The following GPR158 variants were observed in gnomAD, a reference collection of about 807,000 sequenced individuals.
The protein encoded by GPR158 is G protein-coupled receptor 158, also known as metabotropic glycine receptor.
Under a neutral mutation model 78.2 loss-of-function variants are expected in GPR158, and 30 were observed. The ratio of observed to expected loss-of-function variants is 0.38; its 90% CI spans 0.29 to 0.52. The LOEUF (loss-of-function observed/expected upper bound fraction) is 0.52. GPR158 is among the 20% of genes least tolerant of loss of function. GPR158 has a pLI of 0.83. For missense variants in GPR158, 1,463 were observed against 1,523.5 expected, an observed-to-expected ratio of 0.96 and a Z score of 0.66; for synonymous variants, 581 against 591.1, an observed-to-expected ratio of 0.98 and a Z score of 0.25.
intron 4 of GPR158, among the ~76,000 whole-genome samples, chr10:25,459,344 A>G (rs533248261): frequency 6.6e-6 from 1 of 152,312 alleles, no homozygotes; most frequent in East Asian, 1.9e-4. Flanking sequence ...ATTCAAACTT[A>G]TGCTAGTTCA....
At chr10:25,312,656 T>C (rs1363724234) in intron 2 of GPR158, among the ~76,000 whole-genome samples, 1 of 152,170 alleles carries the variant, frequency 6.6e-6, no homozygotes, top group Non-Finnish European at 1.5e-5. Context: ...AAAAACACTA[T>C]AATTTGGTAT....
At chr10:25,202,266 T>A (rs969137759) in intron 1 of GPR158, among the ~76,000 whole-genome samples, 1 of 152,140 alleles carries the variant, frequency 6.6e-6, no homozygotes, top group African/African-American at 2.4e-5. Flanking sequence ...CCATTTTTTT[T>A]TATACTTTAA....
intron 8 of GPR158, 65 bp from the exon 9 acceptor site, chr10:25,594,227 G>T (rs1235928168): frequency 1.2e-6 from 1 of 833,976 alleles, no homozygotes; most frequent in Non-Finnish European, 2.1e-6. Flanking sequence ...GAGTTCCCAA[G>T]TAATCCTAGT....
chr10:25,261,768 T>C (rs1186844589), intron 2 of GPR158, among the ~76,000 whole-genome samples: 3 of 152,154 alleles, frequency 2.0e-5, no homozygotes, highest in Non-Finnish European at 4.4e-5. Flanking sequence ...ATGACTGCCA[T>C]GGCCCTTTTC....
At chr10:25,354,722 T>G (rs1442658552) in intron 2 of GPR158, among the ~76,000 whole-genome samples, 1 of 152,106 alleles carries the variant, frequency 6.6e-6, no homozygotes, top group Non-Finnish European at 1.5e-5. Flanking sequence ...AGAGCTCCCT[T>G]TAGCATTTTC....
At chr10:25,323,947 C>T (rs1854992086) in intron 2 of GPR158, among the ~76,000 whole-genome samples, 1 of 152,184 alleles carries the variant, frequency 6.6e-6, no homozygotes, top group South Asian at 2.1e-4. Flanking sequence ...TGCTATCCTC[C>T]AACTTTTCTT....
intron 2 of GPR158, among the ~76,000 whole-genome samples, chr10:25,395,534 T>G (rs1834353395): frequency 6.6e-6 from 1 of 152,166 alleles, no homozygotes; most frequent in Non-Finnish European, 1.5e-5. Flanking sequence ...CTACCTTTGC[T>G]TTGATAGAAA....
intron 2 of GPR158, among the ~76,000 whole-genome samples, chr10:25,260,710 G>A (rs1407414769): frequency 1.3e-5 from 2 of 151,942 alleles, no homozygotes; most frequent in African/African-American, 2.4e-5. Flanking sequence ...AAGGGGCTTA[G>A]GTTTTGTCTT....
intron 5 of GPR158, among the ~76,000 whole-genome samples, 170 bp from the exon 6 acceptor site, chr10:25,550,804 CTG>C (rs1386730192): frequency 1.3e-5 from 2 of 152,012 alleles, no homozygotes; most frequent in Admixed American, 1.3e-4. Context: ...AGTAGGGAGA[CTG>C]TGTATTTCTT....
At chr10:25,461,007 TAA>T (rs1835352422) in intron 4 of GPR158, among the ~76,000 whole-genome samples, 2 of 152,190 alleles carry the variant, frequency 1.3e-5, no homozygotes, top group African/African-American at 2.4e-5. Flanking sequence ...ACGGTGAACT[TAA>T]GTGATCAATG....
intron 2 of GPR158, among the ~76,000 whole-genome samples, chr10:25,336,355 T>A (rs1855206576): frequency 6.6e-6 from 1 of 152,104 alleles, no homozygotes; most frequent in African/African-American, 2.4e-5. Flanking sequence ...ATTTACATTC[T>A]TCTCCCTTTA....
At chr10:25,436,144 G>C (rs1333718406) in intron 4 of GPR158, among the ~76,000 whole-genome samples, 2 of 152,154 alleles carry the variant, frequency 1.3e-5, no homozygotes, top group African/African-American at 2.4e-5. Flanking sequence ...AGTTAAACTT[G>C]ATTTTCAGAT....
intron 4 of GPR158, among the ~76,000 whole-genome samples, chr10:25,433,923 G>A (rs974560474): frequency 3.3e-5 from 5 of 151,970 alleles, no homozygotes; most frequent in Non-Finnish European, 7.4e-5. Flanking sequence ...ACTTTGGGAG[G>A]CCGAGGTGGG....
At chr10:25,331,596 G>A (rs1466009136) in intron 2 of GPR158, among the ~76,000 whole-genome samples, 1 of 152,180 alleles carries the variant, frequency 6.6e-6, no homozygotes, top group Non-Finnish European at 1.5e-5. Flanking sequence ...ATTACAGTGT[G>A]TAAGGAATAA....
intron 2 of GPR158, among the ~76,000 whole-genome samples, chr10:25,268,825 C>A (rs954230651): frequency 2.0e-5 from 3 of 152,156 alleles, no homozygotes; most frequent in African/African-American, 7.2e-5. Context: ...TGCTATCCAG[C>A]AAATTCTTTT....
At chr10:25,561,575 A>G (rs1373382394) in intron 6 of GPR158, among the ~76,000 whole-genome samples, 1 of 152,162 alleles carries the variant, frequency 6.6e-6, no homozygotes, top group South Asian at 2.1e-4. Context: ...GTTTCTCTGT[A>G]AGCTTTTATG....
chr10:25,520,616 T>C (rs1836248153), intron 5 of GPR158, among the ~76,000 whole-genome samples: 1 of 150,918 alleles, frequency 6.6e-6, no homozygotes, highest in African/African-American at 2.5e-5. Context: ...GCTGCAGGTC[T>C]GTTGGAATAC....
chr10:25,487,113 C>T (rs1478036435), intron 5 of GPR158, among the ~76,000 whole-genome samples: 1 of 152,064 alleles, frequency 6.6e-6, no homozygotes, highest in African/African-American at 2.4e-5. Flanking sequence ...AGGTGGATAT[C>T]TGTGGGTGCT....
intron 2 of GPR158, among the ~76,000 whole-genome samples, chr10:25,317,726 G>GTTTTTTTTTTT (rs796945422): frequency 1.4e-5 from 2 of 140,140 alleles, no homozygotes; most frequent in African/African-American, 2.9e-5. Context: ...GTTTTTTTTT[G>GTTTTTTTTTTT]TTTTGTTTTG....
Sources: gnomAD v4.1 joint callset for allele counts (sites outside exome capture counted in the v4.1 genomes callset) on GRCh38, gnomAD v4.1.1 for gene constraint, MANE v1.5 for transcripts, NCBI Gene and HGNC (gene_info 2026-07-23, HGNC 2026-07-21) for gene names.